Variants in SRRM4 observed in about 807,000 individuals in gnomAD.
The protein encoded by SRRM4 is serine/arginine repetitive matrix 4, also known as serine/arginine repetitive matrix protein 4.
Under a neutral mutation model 68.9 loss-of-function variants are expected in SRRM4, and 33 were observed. That is an observed-to-expected ratio of 0.48 (90% CI 0.36 to 0.64). The LOEUF (loss-of-function observed/expected upper bound fraction) is 0.64. Among genes scored for constraint, SRRM4 ranks in the 30% least tolerant of loss-of-function variants. SRRM4 has a pLI of 0.00. For synonymous variants in SRRM4, 318 were observed against 318.8 expected (o/e 1.00, Z 0.03); for missense variants, 817 against 827.1 (o/e 0.99, Z 0.15).
chr12:119,099,755 T>C (rs533676090), intron 1 of SRRM4, among the ~76,000 whole-genome samples: 4 of 152,306 alleles, frequency 2.6e-5, no homozygotes, highest in African/African-American at 9.6e-5. Context: ...GGCTAACAAG[T>C]TGGTGCTGAC....
intron 9 of SRRM4, among the ~76,000 whole-genome samples, chr12:119,146,890 T>C (rs1056766093): frequency 6.6e-6 from 1 of 151,656 alleles, no homozygotes; most frequent in Non-Finnish European, 1.5e-5. Flanking sequence ...GAGCCGAGAT[T>C]GCGCCAGTGC....
chr12:119,029,942 C>G (rs928015912), intron 1 of SRRM4, among the ~76,000 whole-genome samples: 4 of 152,086 alleles, frequency 2.6e-5, no homozygotes, highest in Non-Finnish European at 5.9e-5. Context: ...CAGCTAATGG[C>G]CCATACCTGG....
intron 1 of SRRM4, among the ~76,000 whole-genome samples, chr12:119,008,120 G>A (rs1286174779): frequency 1.3e-5 from 2 of 152,088 alleles, no homozygotes; most frequent in South Asian, 2.1e-4. Flanking sequence ...AATATGAATA[G>A]GCCTGGAGCA....
chr12:119,082,702 A>G (rs1205649672), intron 1 of SRRM4, among the ~76,000 whole-genome samples: 4 of 152,174 alleles, frequency 2.6e-5, no homozygotes, highest in Admixed American at 6.5e-5. Context: ...GCCTCCAGCC[A>G]GGGGAAGCAG....
chr12:118,991,811 T>C (rs2135989566), intron 1 of SRRM4: 1 of 152,334 alleles, frequency 6.6e-6, no homozygotes, highest in East Asian at 1.9e-4. Context: ...TGGCTCAAGG[T>C]TGGTCATCTT....
At chr12:119,037,154 G>C (rs577876900) in intron 1 of SRRM4, among the ~76,000 whole-genome samples, 6 of 152,148 alleles carry the variant, frequency 3.9e-5, no homozygotes, top group African/African-American at 1.2e-4. Context: ...TGGGTGGGTG[G>C]GTCTTGGTTT....
chr12:119,013,715 T>C (rs1953463731), intron 1 of SRRM4, among the ~76,000 whole-genome samples: 1 of 152,228 alleles, frequency 6.6e-6, no homozygotes. Context: ...TATAGATGTA[T>C]CATTTATTTA....
chr12:119,152,355 A>G (rs1167598030), intron 10 of SRRM4, among the ~76,000 whole-genome samples: 1 of 152,210 alleles, frequency 6.6e-6, no homozygotes, highest in Non-Finnish European at 1.5e-5. Flanking sequence ...AAATTAAGGA[A>G]AGAAATATAA....
chr12:118,995,680 C>T (rs146873875), intron 1 of SRRM4, among the ~76,000 whole-genome samples: 3 of 152,306 alleles, frequency 2.0e-5, no homozygotes, highest in East Asian at 1.9e-4. Flanking sequence ...CTAACTGCAA[C>T]GCTTACCCCA....
At chr12:119,080,460 C>T (rs978363113) in intron 1 of SRRM4, among the ~76,000 whole-genome samples, 1 of 152,142 alleles carries the variant, frequency 6.6e-6, no homozygotes, top group African/African-American at 2.4e-5. Context: ...TTAATCCTCA[C>T]AACAATGGTC....
chr12:119,099,837 G>C (rs1387775452), intron 1 of SRRM4, among the ~76,000 whole-genome samples: 1 of 152,128 alleles, frequency 6.6e-6, no homozygotes, highest in African/African-American at 2.4e-5. Context: ...CTCACAACAT[G>C]GCTACCACCA....
At chr12:119,091,595 C>A (rs948798734) in intron 1 of SRRM4, among the ~76,000 whole-genome samples, 27 of 152,200 alleles carry the variant, frequency 1.8e-4, no homozygotes, top group African/African-American at 6.5e-4. Context: ...AAGTGCTGGA[C>A]ATGCATCATC....
chr12:119,078,756 C>CA (rs933255742), intron 1 of SRRM4, among the ~76,000 whole-genome samples: 17 of 151,200 alleles, frequency 1.1e-4, no homozygotes, highest in African/African-American at 1.9e-4. Flanking sequence ...CCCGTCTCTA[C>CA]AAAAAAAAAT....
intron 1 of SRRM4, among the ~76,000 whole-genome samples, chr12:119,011,110 T>C (rs929326998): frequency 6.6e-6 from 1 of 152,216 alleles, no homozygotes; most frequent in African/African-American, 2.4e-5. Flanking sequence ...TTTAGCTTTA[T>C]CTCTGTGACT....
At chr12:119,033,654 C>T (rs548539408) in intron 1 of SRRM4, among the ~76,000 whole-genome samples, 1 of 138,544 alleles carries the variant, frequency 7.2e-6, no homozygotes, top group South Asian at 2.4e-4. Flanking sequence ...CAGAATGAGA[C>T]TCCATCTCAA....
At chr12:119,120,472 C>T (rs945963629) in intron 5 of SRRM4, among the ~76,000 whole-genome samples, 196 bp downstream of exon 5, 2 of 152,114 alleles carry the variant, frequency 1.3e-5, no homozygotes, top group Non-Finnish European at 2.9e-5. Flanking sequence ...TGACTTCCAT[C>T]AGGCCAGGGG....
At position 119,154,405 on chromosome 12, in the gene SRRM4, G is replaced by A. The variant is rs766485468; in HGVS notation, c.1532+22G>A. Reference sequence around the variant, plus strand: ...CCAGGTGAGGCCAGGGGGCAAGGGGGACCCACCTTCATCCTCGTTCCCACT... The same window carrying A: ...CCAGGTGAGGCCAGGGGGCAAGGGGAACCCACCTTCATCCTCGTTCCCACT... On this transcript the variant is annotated intron_variant, in intron 12 of 12. Coordinates refer to ENST00000267260, the MANE Select transcript of SRRM4 (RefSeq NM_194286.4). The surrounding 1 kb of genome is among the most constrained non-coding windows in gnomAD (Gnocchi z 4.7). The A allele has an allele frequency of 4.5e-5, 72 of 1,609,632 alleles. No individual in the cohort carries two copies. Among genetic ancestry groups the A allele is most frequent in the African/African-American group, 6.7e-5 (5 of 74,886 alleles).
chr12:119,025,568 C>T lies in SRRM4; in HGVS notation c.131+43555C>T, dbSNP rs182983924. 3.5e-3 allele frequency among the ~76,000 whole-genome samples: 536 copies of T among 151,488 alleles called. 3 individuals are homozygous for T. The highest frequency in any genetic ancestry group is 0.011 in the African/African-American group (467 of 40,882). On this transcript the variant is annotated intron_variant, in intron 1 of 12. Coordinates refer to ENST00000267260, the MANE Select transcript of SRRM4 (RefSeq NM_194286.4). Reference sequence around the variant, plus strand: ...CAAGTGATTCTCCTGCCTCAGCCTCCCGAGTAGCTGGGATTACAGGCATGT... The same window carrying T: ...CAAGTGATTCTCCTGCCTCAGCCTCTCGAGTAGCTGGGATTACAGGCATGT...
intron 1 of SRRM4, among the ~76,000 whole-genome samples, chr12:119,039,931 C>T (rs1290591693): frequency 6.6e-6 from 1 of 152,162 alleles, no homozygotes; most frequent in African/African-American, 2.4e-5. Flanking sequence ...CTGCCCCACA[C>T]ACCAATAAAG....
Sources: allele counts gnomAD v4.1 joint callset (sites outside exome capture counted in the v4.1 genomes callset), GRCh38; gene constraint gnomAD v4.1.1; non-coding constraint Gnocchi (gnomAD v3.1); transcripts MANE v1.5; gene names NCBI Gene and HGNC (gene_info 2026-07-23, HGNC 2026-07-21).